The following CUX2 variants were observed in gnomAD, a reference collection of about 807,000 sequenced individuals.
CUX2 encodes the protein homeobox protein cut-like 2.
Under a neutral mutation model 144.8 loss-of-function variants are expected in CUX2, and 40 were observed. The ratio of observed to expected loss-of-function variants is 0.28; its 90% CI spans 0.21 to 0.36. The LOEUF (loss-of-function observed/expected upper bound fraction) is 0.36. Ranked by LOEUF, CUX2 falls within the 10% of genes least tolerant of loss-of-function variation. The probability of loss-of-function intolerance (pLI) is 1.00; values close to 1 mark genes in which losing one functional copy is unlikely to be tolerated. For missense variants in CUX2, 1,615 were observed against 1,994.0 expected, an observed-to-expected ratio of 0.81 and a Z score of 3.62; for synonymous variants, 827 against 875.6, an observed-to-expected ratio of 0.94 and a Z score of 0.98.
chr12:111,164,696 A>T (rs1285033952), intron 1 of CUX2, among the ~76,000 whole-genome samples: 1 of 152,140 alleles, frequency 6.6e-6, no homozygotes, highest in Non-Finnish European at 1.5e-5. Context: ...GTCACGCAAT[A>T]ATTGCTTTGG....
At chr12:111,146,838 A>T (rs1876707597) in intron 1 of CUX2, among the ~76,000 whole-genome samples, 1 of 152,130 alleles carries the variant, frequency 6.6e-6, no homozygotes, top group African/African-American at 2.4e-5. Context: ...AAATGGGCAT[A>T]ATAATAGCTC....
At chr12:111,211,666 A>G (rs112943712) in intron 1 of CUX2, among the ~76,000 whole-genome samples, 13,620 of 152,148 alleles carry the variant, frequency 0.09, 656 homozygotes, top group South Asian at 0.14. Flanking sequence ...TGGGTGGATC[A>G]TGAGGTCAGG....
rs138649655 is a variant in CUX2 at position 111,175,301 on chromosome 12, C to T, written c.64-38899C>T. Among the ~76,000 whole-genome samples the T allele has an allele frequency of 7.6e-3, 1,134 of 148,944 alleles. 5 individuals carry two copies. Among genetic ancestry groups the T allele is most frequent in the Non-Finnish European group, 0.012 (831 of 67,262 alleles). On this transcript the variant is annotated intron_variant, in intron 1 of 21. Transcript: ENST00000261726. ...ATTGACACATTTATTGAATATTAAA[C>T]ATTTAAGGTTTTTTTTACCAACCCC...
intron 16 of CUX2, among the ~76,000 whole-genome samples, chr12:111,319,313 GA>G (rs1309521515): frequency 1.3e-5 from 2 of 151,910 alleles, no homozygotes; most frequent in Admixed American, 1.3e-4. Context: ...AAAGGGAAGG[GA>G]AATGAGGAAG....
rs371146888 is a variant in CUX2 at position 111,171,318 on chromosome 12, G to T, written c.64-42882G>T. On this transcript the variant is annotated intron_variant, in intron 1 of 21. Transcript: ENST00000261726. This position sits in a 1 kb window ranked among gnomAD's most constrained non-coding sequence, Gnocchi z 5.0. ...AGTGATTTTGCCAGTGAACACCTGAGCCCCTTAGTGCATTGTGCAGCCTGC... is the reference window on the plus strand; with the variant it reads ...AGTGATTTTGCCAGTGAACACCTGATCCCCTTAGTGCATTGTGCAGCCTGC... Among the ~76,000 whole-genome samples the T allele has an allele frequency of 2.6e-4, 40 of 152,274 alleles. No homozygotes were observed. Among genetic ancestry groups the T allele is most frequent in the African/African-American group, 8.4e-4 (35 of 41,554 alleles).
In CUX2 at chr12:111,190,347, C is replaced by T. The variant is rs35726206; in HGVS notation, c.64-23853C>T. Among the ~76,000 whole-genome samples, 858 of 152,220 alleles carry T rather than the reference C, an allele frequency of 5.6e-3. 13 individuals are homozygous for T. The highest frequency in any genetic ancestry group is 0.049 in the South Asian group (236 of 4,810). On this transcript the variant is annotated intron_variant, in intron 1 of 21. Transcript: ENST00000261726. The surrounding 1 kb of genome is among the most constrained non-coding windows in gnomAD (Gnocchi z 4.0). ...AGGGTGCAGAGGTTCCCATTTTGCC[C>T]GTCCTAACCAGATTACAGTATGTTG...
In CUX2 at chr12:111,171,850, C is replaced by G. The variant is rs534468319; in HGVS notation, c.64-42350C>G. On this transcript the variant is annotated intron_variant, in intron 1 of 21. Coordinates refer to ENST00000261726, the MANE Select transcript of CUX2 (RefSeq NM_015267.4). This position sits in a 1 kb window ranked among gnomAD's most constrained non-coding sequence, Gnocchi z 5.0. ...CTTCTCCCATCCAGATATGTGGGTCCTGGGCCTTACCTGTACCAAATAAAT... is the reference window on the plus strand; with the variant it reads ...CTTCTCCCATCCAGATATGTGGGTCGTGGGCCTTACCTGTACCAAATAAAT... 6.6e-6 allele frequency among the ~76,000 whole-genome samples: 1 copy of G among 152,340 alleles called. No individual in the cohort carries two copies. Among genetic ancestry groups the G allele is most frequent in the African/African-American group, 2.4e-5 (1 of 41,564 alleles).
intron 3 of CUX2, among the ~76,000 whole-genome samples, chr12:111,241,603 C>A (rs926397550): frequency 6.6e-6 from 1 of 152,256 alleles, no homozygotes; most frequent in African/African-American, 2.4e-5. Context: ...CCAAGGAGCC[C>A]TACTCCAACA....
rs968324035 is a variant in CUX2 at position 111,160,454 on chromosome 12, C to T, written c.64-53746C>T. Among the ~76,000 whole-genome samples, 3 of 152,094 alleles carry T rather than the reference C, an allele frequency of 2.0e-5. No homozygotes were observed. The highest frequency in any genetic ancestry group is 7.2e-5 in the African/African-American group (3 of 41,390). ...TGTGTGAGTGTGTCTGAGCCTTCAT[C>T]TCTGTGCCTGTGTGTCTGCATGTGC... On this transcript the variant is annotated intron_variant, in intron 1 of 21. Transcript: ENST00000261726. This position sits in a 1 kb window ranked among gnomAD's most constrained non-coding sequence, Gnocchi z 4.1.
intron 1 of CUX2, among the ~76,000 whole-genome samples, chr12:111,096,552 C>T (rs1476241686): frequency 1.3e-5 from 2 of 152,166 alleles, no homozygotes; most frequent in African/African-American, 2.4e-5. Flanking sequence ...ATAGCCATCC[C>T]GTGGTCCTGT....
intron 15 of CUX2, among the ~76,000 whole-genome samples, chr12:111,311,590 C>CTTTT (rs1391539963): frequency 8.0e-6 from 1 of 124,630 alleles, no homozygotes; most frequent in East Asian, 3.9e-4. Context: ...TACCCTATTT[C>CTTTT]TTTATTATTA....
intron 1 of CUX2, among the ~76,000 whole-genome samples, chr12:111,153,070 C>G (rs568721710): frequency 6.6e-5 from 10 of 152,290 alleles, no homozygotes; most frequent in African/African-American, 2.2e-4. Flanking sequence ...TTTTTCTTCT[C>G]TGAATCCCGA....
chr12:111,178,579 C>T lies in CUX2; in HGVS notation c.64-35621C>T, dbSNP rs547998828. ...AGCTGGGATGGAAAGGGAATGGTCACGGGTGGGACACTGGGAGGGAGGGCA... is the reference window on the plus strand; with the variant it reads ...AGCTGGGATGGAAAGGGAATGGTCATGGGTGGGACACTGGGAGGGAGGGCA... On this transcript the variant is annotated intron_variant, in intron 1 of 21. Coordinates refer to ENST00000261726, the MANE Select transcript of CUX2 (RefSeq NM_015267.4). The surrounding 1 kb of genome is among the most constrained non-coding windows in gnomAD (Gnocchi z 5.7). Among the ~76,000 whole-genome samples the T allele has an allele frequency of 1.4e-4, 21 of 148,654 alleles. No individual in the cohort carries two copies. Among genetic ancestry groups the T allele is most frequent in the African/African-American group, 4.9e-4 (20 of 40,896 alleles).
chr12:111,318,533 A>C (rs1887321174), intron 16 of CUX2, among the ~76,000 whole-genome samples: 3 of 150,140 alleles, frequency 2.0e-5, no homozygotes, highest in Admixed American at 6.7e-5. Flanking sequence ...GAGAGCTATG[A>C]TCGCACCTGA....
At chr12:111,177,472 C>G (rs540976501) in intron 1 of CUX2, among the ~76,000 whole-genome samples, 2 of 152,152 alleles carry the variant, frequency 1.3e-5, no homozygotes, top group Admixed American at 1.3e-4. Context: ...CTCACTGCAG[C>G]CTCTACCTTC....
intron 1 of CUX2, among the ~76,000 whole-genome samples, chr12:111,205,125 G>A (rs997691885): frequency 5.3e-5 from 8 of 151,814 alleles, no homozygotes; most frequent in African/African-American, 7.3e-5. Context: ...CCATCTCGGC[G>A]GGCTGCGGAG....
intron 18 of CUX2, among the ~76,000 whole-genome samples, chr12:111,328,323 A>C (rs1000722002): frequency 6.6e-6 from 1 of 152,140 alleles, no homozygotes; most frequent in Non-Finnish European, 1.5e-5. Context: ...TGGAACCCTG[A>C]CCATACCTGT....
intron 3 of CUX2, among the ~76,000 whole-genome samples, chr12:111,256,185 C>T (rs1366565790): frequency 6.6e-6 from 1 of 152,150 alleles, no homozygotes; most frequent in Non-Finnish European, 1.5e-5. Context: ...CTATCTCCCA[C>T]CACAGCCCCC....
intron 1 of CUX2, among the ~76,000 whole-genome samples, chr12:111,213,163 A>C (rs1025825729): frequency 6.6e-6 from 1 of 152,242 alleles, no homozygotes; most frequent in African/African-American, 2.4e-5. Flanking sequence ...GATTGCTGCA[A>C]ATATAATCGG....
Sources: allele counts gnomAD v4.1 joint callset (sites outside exome capture counted in the v4.1 genomes callset), GRCh38; gene constraint gnomAD v4.1.1; non-coding constraint Gnocchi (gnomAD v3.1); transcripts MANE v1.5; gene names NCBI Gene and HGNC (gene_info 2026-07-23, HGNC 2026-07-21).